GGA3: variants seen among roughly 807,000 people sequenced by gnomAD.
GGA3 encodes the protein ADP-ribosylation factor-binding protein GGA3.
GGA3 carries 57 observed loss-of-function variants against 77.5 expected under a neutral mutation model. That is an observed-to-expected ratio of 0.74 (90% CI 0.59 to 0.92). GGA3 has a LOEUF of 0.92. Ranked by LOEUF, GGA3 falls within the 40% of genes least tolerant of loss-of-function variation. GGA3 has a pLI of 0.00. For synonymous variants in GGA3, 416 were observed against 383.7 expected, an observed-to-expected ratio of 1.08 and a Z score of -0.98; for missense variants, 970 against 914.9, an observed-to-expected ratio of 1.06 and a Z score of -0.78.
In GGA3 at chr17:75,246,554, G is replaced by C; in HGVS notation, c.156C>G (p.His52Gln). ...GPQIAVRLLAHKIQSPQEWEA... is the reference protein window; with the variant it reads ...GPQIAVRLLAQKIQSPQEWEA... Reference sequence around the variant, plus strand: ...CCCATTCCTGTGGGGACTGGATCTTGTGGGCCAGCAGTCGGACGGCGATCT... The same window carrying C: ...CCCATTCCTGTGGGGACTGGATCTTCTGGGCCAGCAGTCGGACGGCGATCT... Residue 52 changes from histidine (H) to glutamine (Q), a missense_variant, in exon 3 of 17, where the codon CAC becomes CAG. His to Gln is a conservative substitution (Grantham distance 24, BLOSUM62 0). Coordinates refer to ENST00000537686, the MANE Select transcript of GGA3 (RefSeq NM_138619.4). 6.2e-7 allele frequency: 1 copy of C among 1,613,996 alleles called. No homozygotes were observed. Among genetic ancestry groups the C allele is most frequent in the Non-Finnish European group, 8.5e-7 (1 of 1,179,844 alleles).
At chr17:75,262,311 C>A, upstream of GGA3, 1 of 728,974 alleles carries the variant, frequency 1.4e-6, no homozygotes, top group Non-Finnish European at 2.3e-6. Context: ...GGAGACTTTA[C>A]CCGCCTGCTT....
At chr17:75,244,352 C>T (rs931747371) in intron 4 of GGA3, 1 of 378,926 alleles carries the variant, frequency 2.6e-6, no homozygotes, top group Non-Finnish European at 4.9e-6. Context: ...TAGAGTCCCA[C>T]ACTACATGGG....
intron 1 of GGA3, among the ~76,000 whole-genome samples, chr17:75,255,571 C>T (rs1350573354): frequency 6.6e-6 from 1 of 152,218 alleles, no homozygotes; most frequent in South Asian, 2.1e-4. Context: ...TATCCCATCC[C>T]ACAGTATGCT....
At chr17:75,242,309 G>A (rs199709136) in intron 8 of GGA3, 27 bp downstream of exon 8, 22 of 1,613,672 alleles carry the variant, frequency 1.4e-5, no homozygotes, top group Middle Eastern at 1.7e-4. Flanking sequence ...AGCCCCGGGA[G>A]GCAGCCTTTG....
intron 3 of GGA3, among the ~76,000 whole-genome samples, chr17:75,245,049 G>A (rs535949709): frequency 6.6e-6 from 1 of 152,326 alleles, no homozygotes; most frequent in Admixed American, 6.5e-5. Flanking sequence ...CAATGAGGGA[G>A]GTGAGGTCCA....
At chr17:75,261,949 T>C (rs769770368), upstream of GGA3, 2 of 1,608,184 alleles carry the variant, frequency 1.2e-6, no homozygotes, top group African/African-American at 1.3e-5. Context: ...GGGCCTGGCG[T>C]TGGGCGTGCG....
chr17:75,237,115 A>G lies in GGA3; in HGVS notation c.*1164T>C, dbSNP rs73356308. On this transcript the variant is annotated 3_prime_UTR_variant, in exon 17 of 17. Transcript: ENST00000537686. ...GACGGAGGCTTGGAGTACATGTCCC[A>G]GGATCACATCCAGCAGCTAGAGTGG... 10,320 of 317,644 alleles carry G rather than the reference A, an allele frequency of 0.032. 970 individuals are homozygous for G. Among genetic ancestry groups the G allele is most frequent in the African/African-American group, 0.19 (9,244 of 47,500 alleles). The allele number at this position is 317,644 out of a possible 1,614,324, so 19.7% of individuals were successfully genotyped here.
chr17:75,249,548 T>C (rs1489439059), intron 1 of GGA3, among the ~76,000 whole-genome samples: 1 of 152,202 alleles, frequency 6.6e-6, no homozygotes, highest in Non-Finnish European at 1.5e-5. Flanking sequence ...TCCCACCAAT[T>C]GTCTGAAATT....
intron 1 of GGA3, 109 bp from the exon 2 acceptor site, chr17:75,246,905 C>T: frequency 1.2e-6 from 1 of 808,302 alleles, no homozygotes; most frequent in East Asian, 2.5e-5. Flanking sequence ...CAACTTTACT[C>T]TCTAATAGAG....
chr17:75,248,363 C>T lies in GGA3; in HGVS notation c.41-1567G>A, dbSNP rs556319262. Among the ~76,000 whole-genome samples, 8 of 147,700 alleles carry T rather than the reference C, an allele frequency of 5.4e-5. No homozygotes were observed. In the South Asian group the frequency reaches 8.6e-4, roughly 16 times the overall value. ...GCGGGCGCCTGTAGTCCCAGCTACTCGGTAGGCTGAGGCAGGAGAATGGCG... is the reference window on the plus strand; with the variant it reads ...GCGGGCGCCTGTAGTCCCAGCTACTTGGTAGGCTGAGGCAGGAGAATGGCG... On this transcript the variant is annotated intron_variant, in intron 1 of 16. Coordinates refer to ENST00000537686, the MANE Select transcript of GGA3 (RefSeq NM_138619.4).
chr17:75,237,937 C>T lies in GGA3; in HGVS notation c.*342G>A, dbSNP rs187990955. The T allele has an allele frequency of 4.2e-3, 3,287 of 777,660 alleles. 8 individuals carry two copies. The highest frequency in any genetic ancestry group is 4.9e-3 in the Non-Finnish European group (3,025 of 611,402). The allele number at this position is 777,660 out of a possible 1,614,324, so 48.2% of individuals were successfully genotyped here. ...GAGACTCCCACCCCCCACCCCCCAC[C>T]CCAGTGGCTTCAGTGAATGCCAGTA... On this transcript the variant is annotated 3_prime_UTR_variant, in exon 17 of 17. Coordinates refer to ENST00000537686, the MANE Select transcript of GGA3 (RefSeq NM_138619.4).
chr17:75,252,893 T>C (rs2077017532), intron 1 of GGA3, among the ~76,000 whole-genome samples: 1 of 152,186 alleles, frequency 6.6e-6, no homozygotes, highest in Non-Finnish European at 1.5e-5. Context: ...TGCTCTTAAC[T>C]TCACCGCCTA....
Position 75,239,989 on chromosome 17 carries a change from C to T in GGA3, c.1383G>A (p.Leu461=). 1 of 1,556,920 alleles carries T rather than the reference C, an allele frequency of 6.4e-7. No individual in the cohort carries two copies. The highest frequency in any genetic ancestry group is 2.4e-5 in the East Asian group (1 of 41,352). Residue 461 remains leucine (L), a synonymous_variant, in exon 13 of 17, where the codon CTG becomes CTA. Coordinates refer to ENST00000537686, the MANE Select transcript of GGA3 (RefSeq NM_138619.4). ...CCACAGGAGCTGGGAAGGGAGGCGGCAGTGGAGCTTGGGAGCTGCTTGAGG... is the reference window on the plus strand; with the variant it reads ...CCACAGGAGCTGGGAAGGGAGGCGGTAGTGGAGCTTGGGAGCTGCTTGAGG... ...APSSSSSQAP[L]PPPFPAPVVP... is the part of the protein sequence containing the mutation.
chr17:75,240,154 G>GGGGGGGGGTGGC, intron 12 of GGA3, 46 bp from the exon 13 acceptor site: 3 of 465,512 alleles, frequency 6.4e-6, no homozygotes, highest in Non-Finnish European at 8.4e-6. Context: ...GGTGGGGAGG[G>GGGGGGGGGTGGC]CCTGCCGCTG....
At chr17:75,258,118 TC>T (rs1446578291) in intron 1 of GGA3, among the ~76,000 whole-genome samples, 2 of 152,162 alleles carry the variant, frequency 1.3e-5, no homozygotes, top group Non-Finnish European at 2.9e-5. Flanking sequence ...AAAACATTGC[TC>T]TTAACTTCAC....
intron 3 of GGA3, among the ~76,000 whole-genome samples, chr17:75,246,143 A>T (rs1040398505): frequency 6.6e-6 from 1 of 152,178 alleles, no homozygotes; most frequent in Non-Finnish European, 1.5e-5. Context: ...TCTTTTCTTC[A>T]GCTGGCCAGC....
chr17:75,246,620 G>T, intron 2 of GGA3, 36 bp from the exon 3 acceptor site: 1 of 1,597,280 alleles, frequency 6.3e-7, no homozygotes, highest in Non-Finnish European at 8.6e-7. Context: ...AGTGCACTAA[G>T]CCTGGGGCTA....
chr17:75,250,651 T>C (rs2076929653), intron 1 of GGA3, among the ~76,000 whole-genome samples: 3 of 150,502 alleles, frequency 2.0e-5, no homozygotes, highest in Admixed American at 6.7e-5. Flanking sequence ...TAATCTCAGC[T>C]ACTTGAAGGC....
rs774631080 is a variant in GGA3, at chr17:75,243,157, T to C, written c.434A>G (p.Gln145Arg). ...YHMLKRQGIVQSDPPIPVDRT... is the reference protein window; with the variant it reads ...YHMLKRQGIVRSDPPIPVDRT... ...ATCCACAGGAATTGGTGGGTCAGAC[T>C]GCACTATGCCTGAAAGGGGACATGG... The change falls in exon 6 of 17, where the codon CAG (glutamine) becomes CGG (arginine). Residue 145 changes from glutamine to arginine, a missense_variant. Physicochemically the swap from Gln to Arg is conservative, Grantham distance 43. Transcript: ENST00000537686. The C allele has an allele frequency of 1.5e-5, 24 of 1,608,970 alleles. No homozygotes were observed. The highest frequency in any genetic ancestry group is 5.4e-5 in the African/African-American group (4 of 74,706).
Sources: gnomAD v4.1 joint callset for allele counts (sites outside exome capture counted in the v4.1 genomes callset) on GRCh38, gnomAD v4.1.1 for gene constraint, MANE v1.5 for transcripts, NCBI Gene and HGNC (gene_info 2026-07-23, HGNC 2026-07-21) for gene names.